Variants in PLK5 observed in about 807,000 individuals in gnomAD.
PLK5 encodes the protein inactive serine/threonine-protein kinase PLK5.
Under a neutral mutation model 33.7 loss-of-function variants are expected in PLK5, and 28 were observed. That is an observed-to-expected ratio of 0.83 (90% CI 0.62 to 1.14). PLK5 has a LOEUF of 1.14. Among genes scored for constraint, PLK5 ranks in the 50% most tolerant of loss-of-function variants. The pLI is 0.00. For synonymous variants in PLK5, 225 were observed against 202.2 expected (o/e 1.11, Z -0.96); for missense variants, 492 against 461.5 (o/e 1.07, Z -0.61).
chr19:1,533,853 G>A (rs1304079337), intron 12 of PLK5, 78 bp from the exon 13 acceptor site: 1 of 1,206,324 alleles, frequency 8.3e-7, no homozygotes, highest in Non-Finnish European at 1.2e-6. Flanking sequence ...CGGGAGGTGA[G>A]AGCTGGGGTG....
intron 12 of PLK5, among the ~76,000 whole-genome samples, chr19:1,532,823 C>G (rs892510898): frequency 3.3e-5 from 5 of 151,542 alleles, no homozygotes; most frequent in Non-Finnish European, 7.4e-5. Context: ...CGCTCAGCCA[C>G]TCCTGGCTAA....
At chr19:1,527,098 G>A in intron 6 of PLK5, 100 bp downstream of exon 6, 1 of 1,282,858 alleles carries the variant, frequency 7.8e-7, no homozygotes, top group Non-Finnish European at 1.1e-6. Context: ...TGTGCAGGGT[G>A]GGGCGCGTGG....
intron 9 of PLK5, 124 bp downstream of exon 9, chr19:1,529,098 C>T: frequency 1.3e-6 from 1 of 799,258 alleles, no homozygotes; most frequent in Non-Finnish European, 1.9e-6. Flanking sequence ...CCGGCCCCCT[C>T]CCCCTAGTCC....
Position 1,526,806 on chromosome 19 carries a change from G to C in PLK5, c.-95+15G>C. 2.9e-6 allele frequency: 2 copies of C among 678,784 alleles called. No individual in the cohort carries two copies. Among genetic ancestry groups the C allele is most frequent in the South Asian group, 3.6e-5 (2 of 56,148 alleles). 42.0% of individuals were successfully genotyped at this position (678,784 alleles called of 1,614,324 possible). A position where few individuals can be genotyped will look rare whatever the true frequency, so the allele number is the denominator to read the frequency against. On this transcript the variant is annotated intron_variant, in intron 5 of 13. Coordinates refer to ENST00000454744, the MANE Select transcript of PLK5 (RefSeq NM_001243079.2). ...CGCTGCCACAGGTGAGAGCCGGGGG[G>C]AGGGCTCTGAGCAGTCCGTCCGGGT...
intron 12 of PLK5, among the ~76,000 whole-genome samples, chr19:1,533,242 G>T (rs1166295898): frequency 6.6e-6 from 1 of 151,972 alleles, no homozygotes; most frequent in Admixed American, 6.6e-5. Flanking sequence ...ACAGGCACCC[G>T]CCACCACGCC....
At position 1,524,510 on chromosome 19, in the gene PLK5, G is replaced by A. The variant is rs1913677644; in HGVS notation, c.-544+264G>A. 6.6e-6 allele frequency among the ~76,000 whole-genome samples: 1 copy of A among 152,092 alleles called. No individual in the cohort carries two copies. Among genetic ancestry groups the A allele is most frequent in the South Asian group, 2.1e-4 (1 of 4,818 alleles). On this transcript the variant is annotated intron_variant, in intron 1 of 13. Transcript: ENST00000454744. The surrounding 1 kb of genome is among the most constrained non-coding windows in gnomAD (Gnocchi z 4.5). ...CGGCCTCGGGATGCGACGCTGTGTT[G>A]CCCCTGGGTGTGTGTGCGAGCCTGG...
At chr19:1,527,124 C>T (rs2145540491) in intron 6 of PLK5, 126 bp downstream of exon 6, 1 of 1,028,636 alleles carries the variant, frequency 9.7e-7, no homozygotes, top group South Asian at 1.6e-5. Context: ...GCACCTGTCG[C>T]CAAGTGTGCA....
chr19:1,530,501 G>C (rs1480055793), intron 11 of PLK5, among the ~76,000 whole-genome samples: 1 of 149,954 alleles, frequency 6.7e-6, no homozygotes, highest in African/African-American at 2.4e-5. Context: ...GTTTCACCAT[G>C]TTGGCCAGGC....
chr19:1,526,963 C>T lies in PLK5; in HGVS notation c.-34C>T. Reference sequence around the variant, plus strand: ...AGGTTGTCTCCAGAAACGGTCACTCCTGCCAGTAGGACATCTGGGCTCTGG... The same window carrying T: ...AGGTTGTCTCCAGAAACGGTCACTCTTGCCAGTAGGACATCTGGGCTCTGG... On this transcript the variant is annotated 5_prime_UTR_variant, in exon 6 of 14. Transcript: ENST00000454744. 6.5e-7 allele frequency: 1 copy of T among 1,535,340 alleles called. No individual in the cohort carries two copies. Among genetic ancestry groups the T allele is most frequent in the Non-Finnish European group, 8.7e-7 (1 of 1,146,528 alleles).
At chr19:1,529,371 C>G in intron 9 of PLK5, 35 bp from the exon 10 acceptor site, 2 of 1,513,400 alleles carry the variant, frequency 1.3e-6, no homozygotes, top group Non-Finnish European at 1.8e-6. Context: ...GGGCTGGGGC[C>G]GGGGCCACCC....
In PLK5 at chr19:1,533,973, C is replaced by G. The variant is rs11084897; in HGVS notation, c.757C>G (p.Leu253Val). Reference protein sequence around the residue: ...PTPVPPAGPGLCLLRFLASEH... With the variant: ...PTPVPPAGPGVCLLRFLASEH... ...ACCTGTGCCACCTGCTGGACCCGGC[C>G]TCTGCCTCCTGCGCTTCCTGGCCTC... Residue 253 changes from leucine to valine, a missense_variant, in exon 13 of 14, where the codon CTC becomes GTC. Transcript: ENST00000454744. 353,395 of 1,534,382 alleles carry G rather than the reference C, an allele frequency of 0.23. 48,982 individuals carry two copies. Among genetic ancestry groups the G allele is most frequent in the East Asian group, 0.67 (27,576 of 40,854 alleles).
At chr19:1,529,374 G>T in intron 9 of PLK5, 32 bp from the exon 10 acceptor site, 1 of 1,521,272 alleles carries the variant, frequency 6.6e-7, no homozygotes, top group Non-Finnish European at 8.8e-7. Context: ...CTGGGGCCGG[G>T]GCCACCCCCA....
rs1288794933 is a variant in PLK5 at position 1,524,783 on chromosome 19, ATGTGTT to A, written c.-543-518_-543-513del. ...TGGTGTGTCTAGGAGTTGTGTGTTCATGTGTTTGTATCTGTGTCTTTGTCCATGTGT... is the reference window on the plus strand; with the variant it reads ...TGGTGTGTCTAGGAGTTGTGTGTTCATGTATCTGTGTCTTTGTCCATGTGT... On this transcript the variant is annotated intron_variant, in intron 1 of 13. Transcript: ENST00000454744. The surrounding 1 kb of genome is among the most constrained non-coding windows in gnomAD (Gnocchi z 4.5). Among the ~76,000 whole-genome samples, 2 of 149,152 alleles carry A rather than the reference ATGTGTT, an allele frequency of 1.3e-5. No homozygotes were observed. The highest frequency in any genetic ancestry group is 5.0e-5 in the African/African-American group (2 of 40,184).
chr19:1,525,929 C>T (rs771375110), intron 3 of PLK5, among the ~76,000 whole-genome samples: 8 of 151,178 alleles, frequency 5.3e-5, no homozygotes, highest in South Asian at 2.1e-4. Flanking sequence ...GCCCAGCTTA[C>T]GCTGTGCTCA....
Position 1,529,774 on chromosome 19 carries a change from T to C in PLK5, c.518T>C (p.Val173Ala). Residue 173 changes from valine to alanine, a missense_variant, in exon 11 of 14, where the codon GTG becomes GCG. Transcript: ENST00000454744. ...CCCGAGGGGAGCCGGCGGCCAGAGGTGGAGGCGGCCCTCAGACACCTGCAG... is the reference window on the plus strand; with the variant it reads ...CCCGAGGGGAGCCGGCGGCCAGAGGCGGAGGCGGCCCTCAGACACCTGCAG... ...AGPEGSRRPE[V>A]EAALRHLQLC... 1 of 1,535,790 alleles carries C rather than the reference T, an allele frequency of 6.5e-7. No homozygotes were observed. Among genetic ancestry groups the C allele is most frequent in the Non-Finnish European group, 8.7e-7 (1 of 1,146,808 alleles).
chr19:1,526,088 C>T (rs1913731214), intron 3 of PLK5, among the ~76,000 whole-genome samples: 1 of 152,198 alleles, frequency 6.6e-6, no homozygotes, highest in African/African-American at 2.4e-5. Flanking sequence ...CTCCTGCACC[C>T]TGCTGTGCCC....
At chr19:1,531,437 A>G (rs1480043655) in intron 11 of PLK5, among the ~76,000 whole-genome samples, 1 of 144,788 alleles carries the variant, frequency 6.9e-6, no homozygotes, top group African/African-American at 2.5e-5. Flanking sequence ...AAACAAACAA[A>G]AACACACACA....
intron 6 of PLK5, among the ~76,000 whole-genome samples, chr19:1,527,339 C>G (rs887740364): frequency 6.6e-6 from 1 of 152,032 alleles, no homozygotes; most frequent in Non-Finnish European, 1.5e-5. Flanking sequence ...CAGTGACTCA[C>G]GCCTGTAATC....
Position 1,526,554 on chromosome 19 carries a change from C to A in PLK5, c.-244C>A. On this transcript the variant is annotated 5_prime_UTR_variant, in exon 4 of 14. Coordinates refer to ENST00000454744, the MANE Select transcript of PLK5 (RefSeq NM_001243079.2). ...CAGAAGTGCGCGACTACCTGCGGGG[C>A]CTGGTCAGCGGCCTGCGCTACCTGC... 1 of 282,856 alleles carries A rather than the reference C, an allele frequency of 3.5e-6. No homozygotes were observed. Among genetic ancestry groups the A allele is most frequent in the Non-Finnish European group, 7.0e-6 (1 of 142,526 alleles). 17.5% of individuals were successfully genotyped at this position (282,856 alleles called of 1,614,324 possible).
Sources: gnomAD v4.1 joint callset for allele counts (sites outside exome capture counted in the v4.1 genomes callset) on GRCh38, gnomAD v4.1.1 for gene constraint, Gnocchi (gnomAD v3.1) non-coding constraint, MANE v1.5 for transcripts, NCBI Gene and HGNC (gene_info 2026-07-23, HGNC 2026-07-21) for gene names.